Variants in EPHA6 observed in about 807,000 individuals in gnomAD.
The protein encoded by EPHA6 is ephrin type-A receptor 6.
A neutral mutation model predicts 112.0 loss-of-function variants in EPHA6; 50 were observed. That is an observed-to-expected ratio of 0.45 (90% CI 0.36 to 0.56). The LOEUF (loss-of-function observed/expected upper bound fraction) is 0.56. Among genes scored for constraint, EPHA6 ranks in the 20% least tolerant of loss-of-function variants. EPHA6 has a pLI of 0.00. For missense variants in EPHA6, 1,280 were observed against 1,417.4 expected, an observed-to-expected ratio of 0.90 and a Z score of 1.56; for synonymous variants, 529 against 490.7, an observed-to-expected ratio of 1.08 and a Z score of -1.03.
intron 3 of EPHA6, among the ~76,000 whole-genome samples, chr3:97,042,092 G>A (rs2045336820): frequency 6.6e-6 from 1 of 152,126 alleles, no homozygotes; most frequent in African/African-American, 2.4e-5. Flanking sequence ...GTGTGATAAT[G>A]TTTGCATATT....
At chr3:97,247,584 T>C (rs186822775) in intron 5 of EPHA6, among the ~76,000 whole-genome samples, 10 of 152,044 alleles carry the variant, frequency 6.6e-5, no homozygotes, top group Non-Finnish European at 1.3e-4. Flanking sequence ...GAAATCATTC[T>C]GAGTAGAAGG....
At chr3:96,818,463 A>T (rs926468965) in intron 1 of EPHA6, among the ~76,000 whole-genome samples, 1 of 151,966 alleles carries the variant, frequency 6.6e-6, no homozygotes, top group Admixed American at 6.6e-5. Context: ...CCCCCAGGCA[A>T]TTCAGTGACA....
intron 3 of EPHA6, among the ~76,000 whole-genome samples, chr3:97,115,150 G>A (rs182515800): frequency 1.3e-5 from 2 of 152,040 alleles, no homozygotes; most frequent in East Asian, 3.9e-4. Context: ...TTTAATGGAT[G>A]GCTATGTAGG....
chr3:97,272,234 T>A (rs2079906558), intron 5 of EPHA6, among the ~76,000 whole-genome samples: 1 of 152,196 alleles, frequency 6.6e-6, no homozygotes, highest in African/African-American at 2.4e-5. Context: ...TCCTCCAGGT[T>A]CAGCCATGTT....
intron 5 of EPHA6, among the ~76,000 whole-genome samples, chr3:97,398,300 G>T (rs928849651): frequency 1.3e-5 from 2 of 151,342 alleles, no homozygotes; most frequent in African/African-American, 4.8e-5. Context: ...AAATTGTAAT[G>T]AATTGATATG....
chr3:97,277,449 T>C (rs1016759512), intron 5 of EPHA6, among the ~76,000 whole-genome samples: 2 of 152,090 alleles, frequency 1.3e-5, no homozygotes, highest in Non-Finnish European at 2.9e-5. Context: ...TTCACTTCTT[T>C]TGTGGTGGAA....
At chr3:96,937,840 C>G (rs2040688187) in intron 2 of EPHA6, among the ~76,000 whole-genome samples, 2 of 152,104 alleles carry the variant, frequency 1.3e-5, no homozygotes, top group African/African-American at 4.8e-5. Context: ...AGCCAGTTTT[C>G]CCAGCACCAT....
intron 6 of EPHA6, among the ~76,000 whole-genome samples, chr3:97,418,291 A>G (rs1288921999): frequency 1.3e-5 from 2 of 152,016 alleles, no homozygotes; most frequent in Non-Finnish European, 2.9e-5. Context: ...TCATTCTAAG[A>G]AAAAGAAAAC....
intron 14 of EPHA6, among the ~76,000 whole-genome samples, chr3:97,660,526 C>T (rs2094162809): frequency 6.6e-6 from 1 of 152,026 alleles, no homozygotes; most frequent in African/African-American, 2.4e-5. Flanking sequence ...TGAGGCGGGG[C>T]ACAATTTACA....
At chr3:97,479,652 T>C (rs1397348261) in intron 9 of EPHA6, among the ~76,000 whole-genome samples, 4 of 152,200 alleles carry the variant, frequency 2.6e-5, no homozygotes, top group African/African-American at 9.7e-5. Flanking sequence ...CCACTCACAA[T>C]GGCTCTAAAA....
chr3:97,097,170 A>G (rs558707186), intron 3 of EPHA6, among the ~76,000 whole-genome samples: 1 of 151,912 alleles, frequency 6.6e-6, no homozygotes, highest in Non-Finnish European at 1.5e-5. Context: ...GTAGAGTATT[A>G]GCTTAGCTGA....
At chr3:97,301,632 G>A (rs1380386228) in intron 5 of EPHA6, among the ~76,000 whole-genome samples, 8 of 152,070 alleles carry the variant, frequency 5.3e-5, no homozygotes, top group Non-Finnish European at 1.2e-4. Flanking sequence ...TTAGCCATTT[G>A]ATCCAGTGCT....
chr3:96,861,161 G>A (rs2035983299), intron 1 of EPHA6, among the ~76,000 whole-genome samples: 1 of 152,058 alleles, frequency 6.6e-6, no homozygotes, highest in African/African-American at 2.4e-5. Context: ...TAAGGATCTG[G>A]AGGTTCTTGG....
intron 7 of EPHA6, among the ~76,000 whole-genome samples, chr3:97,468,327 A>G (rs1320193632): frequency 6.6e-6 from 1 of 151,634 alleles, no homozygotes; most frequent in Non-Finnish European, 1.5e-5. Flanking sequence ...AGCATCAAAT[A>G]TTGAATGAAT....
At chr3:97,696,492 C>T (rs2033048459) in intron 14 of EPHA6, among the ~76,000 whole-genome samples, 2 of 152,150 alleles carry the variant, frequency 1.3e-5, no homozygotes, top group Admixed American at 1.3e-4. Context: ...TGTTTTCTAG[C>T]TATCATTCCC....
intron 6 of EPHA6, among the ~76,000 whole-genome samples, chr3:97,439,409 AG>A (rs2090022111): frequency 6.6e-6 from 1 of 152,302 alleles, no homozygotes; most frequent in South Asian, 2.1e-4. Context: ...TTTTTACCTA[AG>A]AAAAACATTT....
At chr3:97,481,210 A>AGT in intron 9 of EPHA6, 2 of 1,230,548 alleles carry the variant, frequency 1.6e-6, no homozygotes, top group Non-Finnish European at 2.4e-6. Context: ...TGGAAAAGAC[A>AGT]ACCTTTTTCT....
At chr3:97,562,123 G>A (rs560547075) in intron 11 of EPHA6, among the ~76,000 whole-genome samples, 52 of 152,170 alleles carry the variant, frequency 3.4e-4, no homozygotes, top group South Asian at 1.5e-3. Context: ...TGTTATTTTC[G>A]TGCCTGCTTA....
chr3:96,983,149 G>A (rs1191357986), intron 2 of EPHA6, among the ~76,000 whole-genome samples: 17 of 152,126 alleles, frequency 1.1e-4, no homozygotes, highest in Admixed American at 2.6e-4. Flanking sequence ...TCCTAGCCTC[G>A]ATGGTCTTTA....
Sources: gnomAD v4.1 joint callset for allele counts (sites outside exome capture counted in the v4.1 genomes callset) on GRCh38, gnomAD v4.1.1 for gene constraint, MANE v1.5 for transcripts, NCBI Gene and HGNC (gene_info 2026-07-23, HGNC 2026-07-21) for gene names.